The following USP24 variants were observed in gnomAD, a reference collection of about 807,000 sequenced individuals.
USP24 encodes ubiquitin carboxyl-terminal hydrolase 24.
A neutral mutation model predicts 361.6 loss-of-function variants in USP24; 97 were observed. The observed-to-expected ratio is 0.27, with a 90% CI of 0.23 to 0.32. The LOEUF (loss-of-function observed/expected upper bound fraction) is 0.32. Among genes scored for constraint, USP24 ranks in the 10% least tolerant of loss-of-function variants. USP24 has a pLI of 1.00. For synonymous variants in USP24, 1,098 were observed against 1,124.6 expected (o/e 0.98, Z 0.47); for missense variants, 2,353 against 3,165.6 (o/e 0.74, Z 6.16).
chr1:55,214,931 GC>G lies in USP24; in HGVS notation c.182del (p.Gly61AlafsTer76). On this transcript the variant is annotated frameshift_variant, in exon 1 of 68. Coordinates refer to ENST00000294383, the MANE Select transcript of USP24 (RefSeq NM_015306.3). LOFTEE classifies it high-confidence loss of function. ...GGYEPMDSGGGPSPGPGGGPR... is the reference protein window; with the variant it reads ...GGYEPMDSGGXPSPGPGGGPR... ...GGCCCCCGCCGGGCCCGGGGCTGGG[GC>G]CACCGCCGCTGTCCATGGGCTCGTA... 1 of 1,370,718 alleles carries G rather than the reference GC, an allele frequency of 7.3e-7. No homozygotes were observed. Among genetic ancestry groups the G allele is most frequent in the Non-Finnish European group, 9.5e-7 (1 of 1,051,724 alleles). 84.9% of individuals were successfully genotyped at this position (1,370,718 alleles called of 1,614,324 possible).
intron 54 of USP24, 100 bp downstream of exon 54, chr1:55,091,923 A>T: frequency 1.2e-6 from 1 of 862,054 alleles, no homozygotes; most frequent in East Asian, 2.7e-5. Context: ...GAATAAAATT[A>T]GGTAGCTGCT....
At chr1:55,122,838 T>A (rs1301655555) in intron 36 of USP24, among the ~76,000 whole-genome samples, 1 of 151,946 alleles carries the variant, frequency 6.6e-6, no homozygotes, top group Non-Finnish European at 1.5e-5. Flanking sequence ...AAATGAGAAG[T>A]TTGGGATGTC....
rs115619813 is a variant in USP24 at position 55,078,344 on chromosome 1, A to T, written c.7314+194T>A. 4.0e-3 allele frequency among the ~76,000 whole-genome samples: 603 copies of T among 152,160 alleles called. 1 individual carries two copies. The highest frequency in any genetic ancestry group is 6.8e-3 in the Non-Finnish European group (460 of 67,998). ...CATTTCTATGCTTAAATTTTTCCCA[A>T]AGAGAGTGTAGTAATTAATCCATGT... On this transcript the variant is annotated intron_variant, in intron 61 of 67. Transcript: ENST00000294383.
chr1:55,173,658 AAC>A (rs1399500351), intron 3 of USP24, among the ~76,000 whole-genome samples: 1 of 152,206 alleles, frequency 6.6e-6, no homozygotes, highest in Admixed American at 6.5e-5. Context: ...GAAGAGCCCA[AAC>A]TGTAATAGCT....
chr1:55,084,673 C>A (rs938800438), intron 56 of USP24, among the ~76,000 whole-genome samples: 1 of 152,094 alleles, frequency 6.6e-6, no homozygotes, highest in Admixed American at 6.5e-5. Context: ...ACTTCATTTT[C>A]AAAGTACTTT....
At chr1:55,085,864 G>C in intron 56 of USP24, 78 bp downstream of exon 56, 3 of 1,436,120 alleles carry the variant, frequency 2.1e-6, no homozygotes, top group Non-Finnish European at 1.9e-6. Context: ...CCAATCCTAG[G>C]CTCTTTCTTA....
intron 32 of USP24, among the ~76,000 whole-genome samples, chr1:55,128,952 T>G (rs1646516573): frequency 6.6e-6 from 1 of 152,030 alleles, no homozygotes; most frequent in African/African-American, 2.4e-5. Context: ...ACTCTTGGGC[T>G]CAAGCAATCC....
At position 55,188,964 on chromosome 1, in the gene USP24, C is replaced by CAAAAA. The variant is rs533085761; in HGVS notation, c.325-10837_325-10833dup. On this transcript the variant is annotated intron_variant, in intron 1 of 67. Coordinates refer to ENST00000294383, the MANE Select transcript of USP24 (RefSeq NM_015306.3). ...GGACAACAAGAGCAAAACTCCATCT[C>CAAAAA]AAAAAAAAAAAAAAAAAAAAAAAAA... Among the ~76,000 whole-genome samples the CAAAAA allele has an allele frequency of 6.5e-3, 483 of 74,246 alleles. 9 individuals carry two copies. The highest frequency in any genetic ancestry group is 0.018 in the Middle Eastern group (2 of 112). The allele number at this position is 74,246 out of a possible 152,430, so 48.7% of individuals were successfully genotyped here. A position where few individuals can be genotyped will look rare whatever the true frequency, so the allele number is the denominator to read the frequency against.
chr1:55,087,841 C>G (rs1051443255), intron 55 of USP24, among the ~76,000 whole-genome samples: 1 of 152,186 alleles, frequency 6.6e-6, no homozygotes, highest in Non-Finnish European at 1.5e-5. Flanking sequence ...AGAGCAAATG[C>G]TATTCACGCT....
chr1:55,071,692 G>C (rs1432539370), intron 67 of USP24, 122 bp downstream of exon 67: 9 of 1,135,570 alleles, frequency 7.9e-6, no homozygotes, highest in Non-Finnish European at 1.1e-5. Flanking sequence ...GGCAGCGCTG[G>C]TAACTCTTTG....
At chr1:55,110,126 T>A (rs1645906924) in intron 39 of USP24, 59 bp downstream of exon 39, 2 of 1,344,466 alleles carry the variant, frequency 1.5e-6, no homozygotes, top group East Asian at 5.1e-5. Flanking sequence ...AATGTCCGTG[T>A]GACTTTCTCT....
chr1:55,146,869 A>G lies in USP24; in HGVS notation c.2250+60T>C. On this transcript the variant is annotated intron_variant, in intron 19 of 67. Coordinates refer to ENST00000294383, the MANE Select transcript of USP24 (RefSeq NM_015306.3). The stretch of plus-strand genomic sequence containing the variant: ...AGTGTTTAGAAGATGTGAGACACAC[A>G]GAAAAAGTGAAATATTTAAATATTT... 3 of 1,595,706 alleles carry G rather than the reference A, an allele frequency of 1.9e-6. 1 individual carries two copies. The highest frequency in any genetic ancestry group is 2.6e-6 in the Non-Finnish European group (3 of 1,169,498).
intron 55 of USP24, among the ~76,000 whole-genome samples, chr1:55,089,334 ACTTGCGTC>A (rs1313531923): frequency 1.8e-4 from 27 of 152,132 alleles, no homozygotes; most frequent in African/African-American, 6.3e-4. Flanking sequence ...GAGGGAAGAG[ACTTGCGTC>A]TCTGACCCCC....
chr1:55,178,444 G>A (rs1650209576), intron 1 of USP24, among the ~76,000 whole-genome samples: 1 of 152,064 alleles, frequency 6.6e-6, no homozygotes, highest in African/African-American at 2.4e-5. Flanking sequence ...CGAGACGGGT[G>A]GATCACGAGG....
chr1:55,122,077 G>C (rs1646298728), intron 36 of USP24, among the ~76,000 whole-genome samples: 1 of 152,106 alleles, frequency 6.6e-6, no homozygotes, highest in African/African-American at 2.4e-5. Context: ...AAAAGTCTCT[G>C]TCCTCATGGA....
At chr1:55,128,322 G>C (rs1314460017) in intron 32 of USP24, among the ~76,000 whole-genome samples, 3 of 152,116 alleles carry the variant, frequency 2.0e-5, no homozygotes, top group Non-Finnish European at 4.4e-5. Flanking sequence ...ACTGCTGCCA[G>C]AGTAATTGTT....
chr1:55,124,404 C>T, intron 35 of USP24, 65 bp downstream of exon 35: 6 of 1,532,150 alleles, frequency 3.9e-6, no homozygotes, highest in Non-Finnish European at 4.4e-6. Context: ...GGCAAACCTA[C>T]ACACAGAATT....
At chr1:55,204,889 T>C (rs780484836) in intron 1 of USP24, among the ~76,000 whole-genome samples, 5 of 152,252 alleles carry the variant, frequency 3.3e-5, no homozygotes, top group Non-Finnish European at 5.9e-5. Context: ...ATCTAAACCA[T>C]TATTTAATTT....
At chr1:55,193,983 C>A (rs994889632) in intron 1 of USP24, among the ~76,000 whole-genome samples, 5 of 152,162 alleles carry the variant, frequency 3.3e-5, no homozygotes, top group Non-Finnish European at 7.4e-5. Flanking sequence ...TATTCCAATT[C>A]CTCCTAAAAT....
Sources: gnomAD v4.1 joint callset for allele counts (sites outside exome capture counted in the v4.1 genomes callset) on GRCh38, gnomAD v4.1.1 for gene constraint, MANE v1.5 for transcripts, NCBI Gene and HGNC (gene_info 2026-07-23, HGNC 2026-07-21) for gene names.